CADM2: variants seen among roughly 807,000 people sequenced by gnomAD.
CADM2 encodes cell adhesion molecule 2.
In CADM2, 12 loss-of-function variants were observed where a neutral mutation model predicts 49.8. The observed-to-expected ratio is 0.24, with a 90% CI of 0.15 to 0.39. The LOEUF (loss-of-function observed/expected upper bound fraction) is 0.39. CADM2 is among the 10% of genes least tolerant of loss of function. The pLI, the probability that CADM2 is intolerant of heterozygous loss-of-function variation, is 1.00. For missense variants in CADM2, 378 were observed against 492.3 expected (o/e 0.77, Z 2.20); for synonymous variants, 214 against 175.4 (o/e 1.22, Z -1.74).
intron 1 of CADM2, among the ~76,000 whole-genome samples, chr3:85,093,808 A>T (rs531977015): frequency 1.3e-5 from 2 of 152,084 alleles, no homozygotes; most frequent in African/African-American, 4.8e-5. Context: ...GGTTTTCCAG[A>T]TAGTCGTTTT....
intron 1 of CADM2, among the ~76,000 whole-genome samples, chr3:85,610,087 T>C (rs998639576): frequency 7.2e-5 from 11 of 152,016 alleles, no homozygotes; most frequent in Admixed American, 5.3e-4. Context: ...TTGGAAATTA[T>C]TGATAGTTTT....
chr3:85,560,222 GT>G (rs1270367817), intron 1 of CADM2, among the ~76,000 whole-genome samples: 3 of 152,184 alleles, frequency 2.0e-5, no homozygotes, highest in Non-Finnish European at 4.4e-5. Flanking sequence ...GGGGATTACA[GT>G]TTTATCAACA....
chr3:85,019,189 A>T (rs1040106626), intron 1 of CADM2, among the ~76,000 whole-genome samples: 6 of 152,184 alleles, frequency 3.9e-5, no homozygotes, highest in Non-Finnish European at 7.4e-5. Context: ...CAGTTTTGGC[A>T]CTGAAAATGC....
chr3:85,625,988 A>G (rs1309869750), intron 1 of CADM2, among the ~76,000 whole-genome samples: 2 of 152,024 alleles, frequency 1.3e-5, no homozygotes, highest in Non-Finnish European at 2.9e-5. Context: ...AAATTATGTA[A>G]GTATTTTAAA....
chr3:85,998,382 G>T (rs1272257898), intron 8 of CADM2, among the ~76,000 whole-genome samples: 3 of 151,882 alleles, frequency 2.0e-5, no homozygotes. Context: ...GGCTTTCCTT[G>T]ATCCTTAAAT....
chr3:85,653,856 T>C (rs2065123730), intron 1 of CADM2, among the ~76,000 whole-genome samples: 1 of 152,184 alleles, frequency 6.6e-6, no homozygotes, highest in Non-Finnish European at 1.5e-5. Flanking sequence ...AGAGAGACAT[T>C]TGTTGACAGA....
chr3:84,970,067 T>TA (rs1553661574), intron 1 of CADM2, among the ~76,000 whole-genome samples: 5 of 145,810 alleles, frequency 3.4e-5, no homozygotes, highest in East Asian at 2.1e-4. Flanking sequence ...TTTTTTTTTT[T>TA]ACTGCCAAGC....
chr3:85,449,228 G>A (rs61288933), intron 1 of CADM2, among the ~76,000 whole-genome samples: 6,055 of 151,324 alleles, frequency 0.04, 405 homozygotes, highest in African/African-American at 0.14. Flanking sequence ...AGAAAAAAAG[G>A]CCTTTTATTT....
At chr3:85,988,189 G>C (rs1308743585) in intron 8 of CADM2, among the ~76,000 whole-genome samples, 2 of 152,182 alleles carry the variant, frequency 1.3e-5, no homozygotes, top group South Asian at 2.1e-4. Flanking sequence ...TCCAATAAGT[G>C]TTCAGATAAT....
intron 1 of CADM2, among the ~76,000 whole-genome samples, chr3:85,367,465 CT>C (rs1375844994): frequency 6.6e-6 from 1 of 151,594 alleles, no homozygotes; most frequent in African/African-American, 2.4e-5. Context: ...CCGTTCACTG[CT>C]TGGAGTCTTA....
chr3:86,017,164 GTGTGTATA>G (rs1288675722), intron 8 of CADM2, among the ~76,000 whole-genome samples: 2 of 105,882 alleles, frequency 1.9e-5, no homozygotes, highest in Non-Finnish European at 3.4e-5. Flanking sequence ...GTGTGTGTGT[GTGTGTATA>G]TATATATATA....
At chr3:86,019,131 G>C (rs1170303697) in intron 8 of CADM2, among the ~76,000 whole-genome samples, 1 of 112,034 alleles carries the variant, frequency 8.9e-6, no homozygotes, top group Non-Finnish European at 1.8e-5. Context: ...TTATTAAATA[G>C]GGAATCCTTT....
At position 85,910,668 on chromosome 3, in the gene CADM2, GTTC is replaced by G. The variant is rs550535319; in HGVS notation, c.530-1699_530-1697del. Among the ~76,000 whole-genome samples, 69 of 152,050 alleles carry G rather than the reference GTTC, an allele frequency of 4.5e-4. 1 individual carries two copies. The East Asian group carries it at 0.013, about 28-fold the overall frequency. ...GATGGAATTGAGACTTCATGGTTCT[GTTC>G]TTCTTTCTAAATGTTAGAGATTTTC... On this transcript the variant is annotated intron_variant, in intron 5 of 9. Coordinates refer to ENST00000383699, the MANE Select transcript of CADM2 (RefSeq NM_001167675.2).
chr3:85,979,345 T>G (rs1210071059), intron 8 of CADM2: 68 of 1,554,236 alleles, frequency 4.4e-5, no homozygotes, highest in Non-Finnish European at 5.7e-5. Flanking sequence ...GTAGAAGTTT[T>G]TAGAAAGGTT....
chr3:86,002,286 G>A (rs983240112), intron 8 of CADM2, among the ~76,000 whole-genome samples: 3 of 152,136 alleles, frequency 2.0e-5, no homozygotes, highest in African/African-American at 4.8e-5. Flanking sequence ...CCACGGGATC[G>A]ATGTTGCTCT....
chr3:85,413,073 G>A (rs1238039040), intron 1 of CADM2, among the ~76,000 whole-genome samples: 9 of 141,212 alleles, frequency 6.4e-5, no homozygotes, highest in Non-Finnish European at 1.2e-4. Context: ...CCCGGAAGGC[G>A]GAGCTTGCAG....
intron 2 of CADM2, among the ~76,000 whole-genome samples, chr3:85,785,780 C>T (rs917504637): frequency 2.0e-5 from 3 of 152,002 alleles, no homozygotes; most frequent in African/African-American, 4.8e-5. Context: ...CTAGTGACAC[C>T]GGCTATTCGA....
chr3:85,926,092 A>G (rs929989302), intron 6 of CADM2, among the ~76,000 whole-genome samples: 7 of 151,718 alleles, frequency 4.6e-5, no homozygotes, highest in Admixed American at 1.3e-4. Flanking sequence ...AGCCGAGATC[A>G]TACCACTGCA....
chr3:85,350,435 C>G (rs572635255), intron 1 of CADM2, among the ~76,000 whole-genome samples: 1 of 152,222 alleles, frequency 6.6e-6, no homozygotes, highest in South Asian at 2.1e-4. Flanking sequence ...TAGTTTACCT[C>G]CAAGCCCTGT....
Sources: gnomAD v4.1 joint callset for allele counts (sites outside exome capture counted in the v4.1 genomes callset) on GRCh38, gnomAD v4.1.1 for gene constraint, MANE v1.5 for transcripts, NCBI Gene and HGNC (gene_info 2026-07-23, HGNC 2026-07-21) for gene names.